The following NPAS3 variants were observed in gnomAD, a reference collection of about 807,000 sequenced individuals.
The protein encoded by NPAS3 is neuronal PAS domain-containing protein 3.
In NPAS3, 14 loss-of-function variants were observed where a neutral mutation model predicts 73.1. That is an observed-to-expected ratio of 0.19 (90% CI 0.13 to 0.30). The LOEUF (loss-of-function observed/expected upper bound fraction) is 0.30. Among genes scored for constraint, NPAS3 ranks in the 10% least tolerant of loss-of-function variants. The pLI, the probability that NPAS3 is intolerant of heterozygous loss-of-function variation, is 1.00. For missense variants in NPAS3, 1,096 were observed against 1,250.0 expected, an observed-to-expected ratio of 0.88 and a Z score of 1.86; for synonymous variants, 620 against 541.5, an observed-to-expected ratio of 1.14 and a Z score of -2.01.
At chr14:33,515,677 T>A (rs2053263650) in intron 4 of NPAS3, among the ~76,000 whole-genome samples, 1 of 152,090 alleles carries the variant, frequency 6.6e-6, no homozygotes. Context: ...TTCTTCCAAC[T>A]CACGGAATAC....
At chr14:33,276,509 T>A (rs181135133) in intron 3 of NPAS3, among the ~76,000 whole-genome samples, 1,781 of 152,220 alleles carry the variant, frequency 0.012, 33 homozygotes, top group African/African-American at 0.04. Flanking sequence ...GTAATTTTTT[T>A]AAAAAACTCA....
At chr14:33,273,313 CT>C (rs1299542615) in intron 3 of NPAS3, among the ~76,000 whole-genome samples, 1 of 152,196 alleles carries the variant, frequency 6.6e-6, no homozygotes. Context: ...ACAGGGGCCT[CT>C]CTCAACCTTT....
At chr14:32,961,755 T>C (rs1430164565) in intron 1 of NPAS3, among the ~76,000 whole-genome samples, 1 of 152,180 alleles carries the variant, frequency 6.6e-6, no homozygotes, top group Admixed American at 6.5e-5. Flanking sequence ...GAGGAAGATA[T>C]ATCCCCATTT....
At chr14:33,115,701 G>C (rs1313726554) in intron 2 of NPAS3, among the ~76,000 whole-genome samples, 1 of 152,040 alleles carries the variant, frequency 6.6e-6, no homozygotes, top group Non-Finnish European at 1.5e-5. Context: ...CTATAAGATG[G>C]TCATCACCCA....
intron 4 of NPAS3, among the ~76,000 whole-genome samples, chr14:33,380,792 C>T (rs988949619): frequency 6.6e-6 from 1 of 152,088 alleles, no homozygotes; most frequent in African/African-American, 2.4e-5. Flanking sequence ...GGCTGGGTAA[C>T]TGCTACAGGA....
chr14:33,209,617 CT>C (rs1197623334), intron 2 of NPAS3, among the ~76,000 whole-genome samples: 2 of 152,128 alleles, frequency 1.3e-5, no homozygotes, highest in Non-Finnish European at 2.9e-5. Context: ...GACCTTCTTC[CT>C]TTGAGGCTGC....
At chr14:33,459,101 A>AT (rs1468848459) in intron 4 of NPAS3, among the ~76,000 whole-genome samples, 3 of 152,126 alleles carry the variant, frequency 2.0e-5, no homozygotes, top group African/African-American at 7.2e-5. Flanking sequence ...TTGCCATGGC[A>AT]TTTGTAACCT....
At chr14:33,655,003 G>T (rs1014469301) in intron 5 of NPAS3, among the ~76,000 whole-genome samples, 5 of 152,182 alleles carry the variant, frequency 3.3e-5, no homozygotes, top group African/African-American at 1.2e-4. Context: ...TTACACACAC[G>T]ATCTCATTCA....
At chr14:33,252,994 A>G (rs1365005227) in intron 3 of NPAS3, among the ~76,000 whole-genome samples, 1 of 152,024 alleles carries the variant, frequency 6.6e-6, no homozygotes, top group Non-Finnish European at 1.5e-5. Context: ...ATGGCCATGT[A>G]GTACCATATT....
rs539787932 is a variant in NPAS3, at chr14:33,039,505, A to G, written c.51-16400A>G. On this transcript the variant is annotated intron_variant, in intron 1 of 11. Transcript: ENST00000356141. ...AACTGAAGTGAAATACATCACATGC[A>G]GCAACAGTGGGCCCTCGCTTTGCCT... Among the ~76,000 whole-genome samples, 3 of 152,278 alleles carry G rather than the reference A, an allele frequency of 2.0e-5. No individual in the cohort carries two copies. The East Asian group carries it at 5.8e-4, about 29-fold the overall frequency.
intron 4 of NPAS3, among the ~76,000 whole-genome samples, chr14:33,395,401 T>C (rs577450438): frequency 3.3e-5 from 4 of 121,200 alleles, no homozygotes; most frequent in Admixed American, 1.6e-4. Context: ...TACATCATAG[T>C]TCAAGTTTTT....
At chr14:33,209,237 C>G (rs546842770) in intron 2 of NPAS3, among the ~76,000 whole-genome samples, 2 of 151,790 alleles carry the variant, frequency 1.3e-5, no homozygotes, top group East Asian at 3.9e-4. Context: ...ATTATGTTAC[C>G]GTTACCTTAT....
chr14:32,993,638 G>A (rs922688181), intron 1 of NPAS3, among the ~76,000 whole-genome samples: 5 of 152,088 alleles, frequency 3.3e-5, no homozygotes, highest in Non-Finnish European at 5.9e-5. Flanking sequence ...AAATAACTAA[G>A]GGTTGTTTTC....
intron 2 of NPAS3, among the ~76,000 whole-genome samples, chr14:33,199,401 T>C (rs2139576645): frequency 6.6e-6 from 1 of 152,292 alleles, no homozygotes; most frequent in Middle Eastern, 3.4e-3. Context: ...CTCCTGTCCC[T>C]ATTGTATGGT....
intron 2 of NPAS3, among the ~76,000 whole-genome samples, chr14:33,127,048 A>G (rs1266722963): frequency 1.3e-5 from 2 of 151,958 alleles, no homozygotes; most frequent in African/African-American, 4.8e-5. Flanking sequence ...TGGCTCTCCA[A>G]CTGAGAGATC....
chr14:33,514,554 T>A (rs138788752), intron 4 of NPAS3, among the ~76,000 whole-genome samples: 21 of 152,122 alleles, frequency 1.4e-4, no homozygotes, highest in Admixed American at 2.0e-4. Context: ...TCCTGAGAAG[T>A]TAAAAATAAT....
intron 1 of NPAS3, among the ~76,000 whole-genome samples, chr14:33,045,060 G>C (rs1314492602): frequency 1.3e-5 from 2 of 152,110 alleles, no homozygotes; most frequent in Non-Finnish European, 2.9e-5. Context: ...AGCTATGAGG[G>C]AGCCCATACC....
chr14:33,303,752 CATG>C (rs1390563728), intron 3 of NPAS3, among the ~76,000 whole-genome samples: 7 of 151,676 alleles, frequency 4.6e-5, no homozygotes, highest in African/African-American at 1.7e-4. Flanking sequence ...TATTGTATAT[CATG>C]ATATTGTTTA....
intron 3 of NPAS3, among the ~76,000 whole-genome samples, chr14:33,346,272 T>G (rs2044726062): frequency 6.6e-6 from 1 of 150,900 alleles, no homozygotes; most frequent in Admixed American, 6.6e-5. Context: ...CTCGTGCCTG[T>G]AATCTCAGCA....
Sources: allele counts gnomAD v4.1 joint callset (sites outside exome capture counted in the v4.1 genomes callset), GRCh38; gene constraint gnomAD v4.1.1; transcripts MANE v1.5; gene names NCBI Gene and HGNC (gene_info 2026-07-23, HGNC 2026-07-21).